NDST1: variants seen among roughly 807,000 people sequenced by gnomAD.
NDST1 encodes bifunctional heparan sulfate N-deacetylase/N-sulfotransferase 1.
NDST1 carries 35 observed loss-of-function variants against 92.8 expected under a neutral mutation model. The observed-to-expected ratio is 0.38, with a 90% confidence interval of 0.29 to 0.50. NDST1 has a LOEUF of 0.50. NDST1 is among the 20% of genes least tolerant of loss of function. NDST1 has a pLI of 0.94. For missense variants in NDST1, 822 were observed against 1,182.7 expected (o/e 0.69, Z 4.47); for synonymous variants, 493 against 500.3 (o/e 0.99, Z 0.19).
At chr5:150,547,062 C>T (rs2151301335) in intron 11 of NDST1, among the ~76,000 whole-genome samples, 1 of 152,346 alleles carries the variant, frequency 6.6e-6, no homozygotes, top group South Asian at 2.1e-4. Flanking sequence ...CTGCACCTTA[C>T]TGGAGAGTCA....
chr5:150,553,224 C>T lies in NDST1; in HGVS notation c.2541C>T (p.Phe847=), dbSNP rs1007474057. 1.6e-5 allele frequency: 26 copies of T among 1,613,384 alleles called. No individual in the cohort carries two copies. Among genetic ancestry groups the T allele is most frequent in the African/African-American group, 2.7e-5 (2 of 74,892 alleles). ...YPEMDLDSRA[F]LKDYYRDHNI... is the part of the protein sequence containing the mutation. ...CCTTCCCGTTACAGTCCCGAGCCTT[C>T]CTGAAGGACTATTACCGGGACCACA... The change falls in exon 15 of 15, where the codon TTC becomes TTT. Residue 847 remains phenylalanine (F), a synonymous_variant. Transcript: ENST00000261797. The surrounding 1 kb of genome is among the most constrained non-coding windows in gnomAD (Gnocchi z 4.2).
intron 10 of NDST1, among the ~76,000 whole-genome samples, 196 bp downstream of exon 10, chr5:150,543,167 C>T (rs542647011): frequency 2.0e-4 from 31 of 152,216 alleles, no homozygotes; most frequent in Non-Finnish European, 3.2e-4. Context: ...GATGAGGAGG[C>T]CCTTTGCCCC....
intron 6 of NDST1, among the ~76,000 whole-genome samples, chr5:150,536,444 T>A (rs1169055367): frequency 6.6e-6 from 1 of 151,412 alleles, no homozygotes; most frequent in East Asian, 2.0e-4. Context: ...AGATCGAGGC[T>A]GCAGTGAGCC....
At chr5:150,547,183 T>C (rs1469754631) in intron 11 of NDST1, among the ~76,000 whole-genome samples, 1 of 152,222 alleles carries the variant, frequency 6.6e-6, no homozygotes, top group Non-Finnish European at 1.5e-5. Context: ...ATCCAAGTCT[T>C]CTAAATCTAA....
Position 150,553,763 on chromosome 5 carries a change from A to G in NDST1, c.*431A>G. The G allele has an allele frequency of 2.4e-6, 1 of 424,082 alleles. No homozygotes were observed. The highest frequency in any genetic ancestry group is 4.4e-6 in the Non-Finnish European group (1 of 228,668). The allele number at this position is 424,082 out of a possible 1,614,324, so 26.3% of individuals were successfully genotyped here. A position where few individuals can be genotyped will look rare whatever the true frequency, so the allele number is the denominator to read the frequency against. On this transcript the variant is annotated 3_prime_UTR_variant, in exon 15 of 15. Coordinates refer to ENST00000261797, the MANE Select transcript of NDST1 (RefSeq NM_001543.5). This position sits in a 1 kb window ranked among gnomAD's most constrained non-coding sequence, Gnocchi z 4.2. ...GGGGAGGAGAGCCTGGCCGGGGGAG[A>G]CAGACTGGACATTTCCCTGTTTCGA...
chr5:150,503,802 G>A (rs1409557785), upstream of NDST1, among the ~76,000 whole-genome samples: 1 of 152,174 alleles, frequency 6.6e-6, no homozygotes, highest in African/African-American at 2.4e-5. Context: ...AGGTCCCTTG[G>A]GGTGGGGTGG....
chr5:150,546,355 G>T (rs1755484202), intron 11 of NDST1, among the ~76,000 whole-genome samples: 1 of 152,186 alleles, frequency 6.6e-6, no homozygotes, highest in Non-Finnish European at 1.5e-5. Context: ...CCAGCCCACT[G>T]AGCCTGCAGG....
chr5:150,504,378 C>T (rs1046027028), upstream of NDST1, among the ~76,000 whole-genome samples: 1 of 152,230 alleles, frequency 6.6e-6, no homozygotes, highest in Non-Finnish European at 1.5e-5. Context: ...CCGCCTCCCT[C>T]ATATCTGCCA....
intron 12 of NDST1, 80 bp downstream of exon 12, chr5:150,548,468 TC>T: frequency 6.6e-7 from 1 of 1,504,330 alleles, no homozygotes; most frequent in Admixed American, 1.8e-5. Context: ...CAACTCTTTC[TC>T]ACCAGCCGTG....
chr5:150,554,618 G>A lies in NDST1; in HGVS notation c.*1286G>A, dbSNP rs535981066. ...GCGCAGGGAAGACCAGCTCTCTCCA[G>A]GACATCGGGCTGCGTGAAGTCCAGT... On this transcript the variant is annotated 3_prime_UTR_variant, in exon 15 of 15. Transcript: ENST00000261797. The A allele has an allele frequency of 2.0e-5, 3 of 152,774 alleles. No individual in the cohort carries two copies. The highest frequency in any genetic ancestry group is 7.2e-5 in the African/African-American group (3 of 41,554). The allele number at this position is 152,774 out of a possible 1,614,324, so 9.5% of individuals were successfully genotyped here.
chr5:150,550,562 T>TA (rs1755678448), intron 13 of NDST1: 1 of 152,338 alleles, frequency 6.6e-6, no homozygotes, highest in Non-Finnish European at 1.5e-5. Context: ...TTTCCTGTGC[T>TA]ATGTCACAGA....
intron 6 of NDST1, among the ~76,000 whole-genome samples, chr5:150,537,487 C>T (rs1459087041): frequency 2.0e-5 from 3 of 152,248 alleles, no homozygotes; most frequent in South Asian, 2.1e-4. Context: ...TGAAATAAGC[C>T]CCGGTCTCCC....
In NDST1 at chr5:150,556,516, T is replaced by C. The variant is rs559957621; in HGVS notation, c.*3184T>C. The C allele has an allele frequency of 6.6e-6, 1 of 152,348 alleles. No homozygotes were observed. The highest frequency in any genetic ancestry group is 2.1e-4 in the South Asian group (1 of 4,832). 9.4% of individuals were successfully genotyped at this position (152,348 alleles called of 1,614,324 possible). ...GGGAAAAGCAAATACAACAATGTTT[T>C]ACCAAACATTTAATTATGAATGCCC... On this transcript the variant is annotated 3_prime_UTR_variant, in exon 15 of 15. Coordinates refer to ENST00000261797, the MANE Select transcript of NDST1 (RefSeq NM_001543.5).
chr5:150,537,830 C>T (rs1755063803), intron 6 of NDST1, among the ~76,000 whole-genome samples: 1 of 152,204 alleles, frequency 6.6e-6, no homozygotes, highest in African/African-American at 2.4e-5. Context: ...GACATCTCCC[C>T]TGGACACCCA....
chr5:150,513,476 G>T (rs540296005), intron 1 of NDST1, among the ~76,000 whole-genome samples: 47 of 152,204 alleles, frequency 3.1e-4, no homozygotes, highest in Non-Finnish European at 6.2e-4. Context: ...CTTAAAAAAA[G>T]AAAGAAAAGA....
rs1243251880 is a variant in NDST1, at chr5:150,508,850, A to T, written c.-388+624A>T. On this transcript the variant is annotated intron_variant, in intron 1 of 14. Coordinates refer to ENST00000261797, the MANE Select transcript of NDST1 (RefSeq NM_001543.5). ...CATTAGATTCTCAAAGGGTTCTATA[A>T]CCCCCAGAAGGTCACAGACTTCTCC... is the stretch of plus-strand genomic sequence containing the variant. Among the ~76,000 whole-genome samples the T allele has an allele frequency of 3.3e-5, 5 of 151,950 alleles. No homozygotes were observed. In the East Asian group the frequency reaches 9.7e-4, roughly 29 times the overall value.
chr5:150,507,477 C>T (rs1189237767), upstream of NDST1, among the ~76,000 whole-genome samples: 2 of 152,228 alleles, frequency 1.3e-5, no homozygotes, highest in Non-Finnish European at 2.9e-5. Context: ...CTCTGGGTCT[C>T]GTCTTTGTAA....
chr5:150,547,440 CTCTGGCTT>C (rs1335255293), intron 11 of NDST1, among the ~76,000 whole-genome samples: 1 of 152,234 alleles, frequency 6.6e-6, no homozygotes, highest in East Asian at 1.9e-4. Context: ...GGTGCCTGAG[CTCTGGCTT>C]TCTGGACTTA....
intron 9 of NDST1, 82 bp downstream of exon 9, chr5:150,541,748 C>T: frequency 7.7e-7 from 1 of 1,299,276 alleles, no homozygotes; most frequent in Admixed American, 1.8e-5. Flanking sequence ...CTTGCCCTGG[C>T]CCCACTCCCG....
Sources: allele counts gnomAD v4.1 joint callset (sites outside exome capture counted in the v4.1 genomes callset), GRCh38; gene constraint gnomAD v4.1.1; non-coding constraint Gnocchi (gnomAD v3.1); transcripts MANE v1.5; gene names NCBI Gene and HGNC (gene_info 2026-07-23, HGNC 2026-07-21).